Variants in ABCG1 observed in about 807,000 individuals in gnomAD.
The protein encoded by ABCG1 is ATP binding cassette subfamily G member 1, also known as ATP-binding cassette sub-family G member 1.
ABCG1 carries 29 observed loss-of-function variants against 69.2 expected under a neutral mutation model. The ratio of observed to expected loss-of-function variants is 0.42; its 90% CI spans 0.31 to 0.57. ABCG1 has a LOEUF of 0.57. Ranked by LOEUF, ABCG1 falls within the 20% of genes least tolerant of loss-of-function variation. ABCG1 has a pLI of 0.15. For synonymous variants in ABCG1, 370 were observed against 374.8 expected, an observed-to-expected ratio of 0.99 and a Z score of 0.15; for missense variants, 718 against 898.1, an observed-to-expected ratio of 0.80 and a Z score of 2.56.
rs888086646 is a variant in ABCG1 at position 42,244,735 on chromosome 21, C to T, written c.286+18821C>T. On this transcript the variant is annotated intron_variant, in intron 2 of 14. Transcript: ENST00000398449. ...CCTTCTTGCCACTGACACTCAAGGA[C>T]AGGGCTGTTTACATGACATCCATTT... is the stretch of plus-strand genomic sequence containing the variant. 2.6e-5 allele frequency among the ~76,000 whole-genome samples: 4 copies of T among 152,214 alleles called. No homozygotes were observed. In the South Asian group the frequency reaches 8.3e-4, roughly 32 times the overall value.
chr21:42,255,317 A>C (rs924928423), intron 2 of ABCG1, among the ~76,000 whole-genome samples: 1 of 152,162 alleles, frequency 6.6e-6, no homozygotes, highest in Non-Finnish European at 1.5e-5. Flanking sequence ...TAGTGTGTAC[A>C]TGGTGTGTCT....
At chr21:42,268,388 T>TGTGTGTGCGC (rs57264459) in intron 2 of ABCG1, among the ~76,000 whole-genome samples, 91 of 110,174 alleles carry the variant, frequency 8.3e-4, no homozygotes, top group African/African-American at 2.6e-3. Context: ...TGTGTGTGTG[T>TGTGTGTGCGC]GCGCGCGCGC....
chr21:42,264,620 A>G (rs964938096), intron 2 of ABCG1, among the ~76,000 whole-genome samples: 5 of 152,144 alleles, frequency 3.3e-5, no homozygotes. Context: ...TGAGGTTCCT[A>G]CTTCTCAGAG....
At chr21:42,212,056 C>T (rs2067594724), upstream of ABCG1, among the ~76,000 whole-genome samples, 1 of 152,190 alleles carries the variant, frequency 6.6e-6, no homozygotes, top group Non-Finnish European at 1.5e-5. Context: ...GCACAGAAGG[C>T]ACACCTATGA....
At chr21:42,251,585 A>G (rs1195113568) in intron 2 of ABCG1, among the ~76,000 whole-genome samples, 2 of 151,866 alleles carry the variant, frequency 1.3e-5, no homozygotes, top group Non-Finnish European at 2.9e-5. Context: ...GCAGCGGCCA[A>G]CGCATGTTTG....
At chr21:42,216,234 G>C, upstream of ABCG1, 1 of 418,890 alleles carries the variant, frequency 2.4e-6, no homozygotes, top group Non-Finnish European at 4.8e-6. Flanking sequence ...CCAGTCTCAG[G>C]TATGTCTTTA....
At chr21:42,267,742 G>A (rs1006997039) in intron 2 of ABCG1, among the ~76,000 whole-genome samples, 65 of 150,382 alleles carry the variant, frequency 4.3e-4, no homozygotes, top group African/African-American at 1.6e-3. Context: ...GTTCTGTCTC[G>A]GTGTGGTCTG....
chr21:42,241,753 G>A (rs2068054740), intron 2 of ABCG1, among the ~76,000 whole-genome samples: 1 of 151,898 alleles, frequency 6.6e-6, no homozygotes, highest in African/African-American at 2.4e-5. Flanking sequence ...TTGTGGGGCT[G>A]AGGTGGGAGG....
At chr21:42,256,890 G>A (rs545844949) in intron 2 of ABCG1, among the ~76,000 whole-genome samples, 6 of 152,342 alleles carry the variant, frequency 3.9e-5, no homozygotes, top group Admixed American at 3.3e-4. Context: ...TGTCACTCCC[G>A]GAAATGAAGA....
chr21:42,201,035 A>G (rs1310207432), intron 1 of ABCG1, among the ~76,000 whole-genome samples: 11 of 151,924 alleles, frequency 7.2e-5, no homozygotes, highest in Non-Finnish European at 1.3e-4. Context: ...CCAACCACCT[A>G]GGTGTTAAGC....
intron 13 of ABCG1, among the ~76,000 whole-genome samples, chr21:42,292,180 G>A (rs891892073): frequency 1.3e-5 from 2 of 152,076 alleles, no homozygotes; most frequent in African/African-American, 2.4e-5. Flanking sequence ...AGGACGCTCG[G>A]CCTCAGCCTG....
At position 42,288,771 on chromosome 21, in the gene ABCG1, A is replaced by G. The variant is rs1036976885; in HGVS notation, c.1224+459A>G. 2.0e-5 allele frequency among the ~76,000 whole-genome samples: 3 copies of G among 151,994 alleles called. No individual in the cohort carries two copies. The highest frequency in any genetic ancestry group is 2.1e-4 in the South Asian group (1 of 4,812). ...AGGGAGAAAGGAAGGGAAGGGAAGG[A>G]AAGGAAAGGAAAAAAGAAAGAAAGA... is the stretch of plus-strand genomic sequence containing the variant. On this transcript the variant is annotated intron_variant, in intron 10 of 14. Transcript: ENST00000398449. This position sits in a 1 kb window ranked among gnomAD's most constrained non-coding sequence, Gnocchi z 4.8.
At position 42,281,455 on chromosome 21, in the gene ABCG1, C is replaced by T. The variant is rs540979461; in HGVS notation, c.589-819C>T. ...CTGCTGACCTTCGTGTTCCCTGAGT[C>T]GATACAGGATCAATAATCCGGAGCA... On this transcript the variant is annotated intron_variant, in intron 5 of 14. Coordinates refer to ENST00000398449, the MANE Select transcript of ABCG1 (RefSeq NM_016818.3). Among the ~76,000 whole-genome samples, 113 of 152,298 alleles carry T rather than the reference C, an allele frequency of 7.4e-4. 1 individual carries two copies. Among genetic ancestry groups the T allele is most frequent in the African/African-American group, 2.6e-3 (109 of 41,544 alleles).
At position 42,209,468 on chromosome 21, in the gene ABCG1, T is replaced by C. The variant is rs945569012; in HGVS notation, c.48+7745T>C. Among the ~76,000 whole-genome samples the C allele has an allele frequency of 2.0e-5, 3 of 152,318 alleles. No individual in the cohort carries two copies. In the South Asian group the frequency reaches 6.2e-4, roughly 32 times the overall value. On this transcript the variant is annotated intron_variant, in intron 2 of 15. Transcript: ENST00000398457. ...GAATGATGTTAGAGCAAAGCAATAT[T>C]AGTGAGATGCTGGAATTTATCATCT... is the stretch of plus-strand genomic sequence containing the variant.
At chr21:42,243,880 G>A (rs1175875161) in intron 2 of ABCG1, among the ~76,000 whole-genome samples, 3 of 137,086 alleles carry the variant, frequency 2.2e-5, no homozygotes, top group Non-Finnish European at 3.0e-5. Context: ...GTGCAGTGGT[G>A]CGATCTCGGC....
At chr21:42,284,139 TCCCCCCCGCCCAGATGAGTGGGG>T (rs2068884980) in intron 6 of ABCG1, among the ~76,000 whole-genome samples, 1 of 422 alleles carries the variant, frequency 2.4e-3, no homozygotes, top group Non-Finnish European at 4.5e-3. Context: ...AGTTGCGAAG[TCCCCCCCGCCCAGATGAGTGGGG>T]ACCCCCCCAC....
intron 1 of ABCG1, among the ~76,000 whole-genome samples, chr21:42,200,495 G>A (rs766996683): frequency 6.6e-6 from 1 of 152,230 alleles, no homozygotes. Flanking sequence ...AAACTTTTTG[G>A]CACCAAGGAC....
In ABCG1 at chr21:42,282,463, C is replaced by A. The variant is rs753764532; in HGVS notation, c.734+44C>A. 1.2e-5 allele frequency: 19 copies of A among 1,578,370 alleles called. 1 individual carries two copies. The highest frequency in any genetic ancestry group is 7.0e-5 in the Admixed American group (4 of 57,072). Reference sequence around the variant, plus strand: ...AGCTGGTGTCCAGGGGCAGGAAGAACCCCCTGTATTCAGCGGTTCTTCCAG... The same window carrying A: ...AGCTGGTGTCCAGGGGCAGGAAGAAACCCCTGTATTCAGCGGTTCTTCCAG... On this transcript the variant is annotated intron_variant, in intron 6 of 14. Transcript: ENST00000398449.
At chr21:42,286,951 T>TG (rs1319969972) in intron 8 of ABCG1, among the ~76,000 whole-genome samples, 4 of 152,078 alleles carry the variant, frequency 2.6e-5, no homozygotes, top group Non-Finnish European at 4.4e-5. Flanking sequence ...CCCTTGAGGA[T>TG]GACTTTCCGG....
Sources: gnomAD v4.1 joint callset for allele counts (sites outside exome capture counted in the v4.1 genomes callset) on GRCh38, gnomAD v4.1.1 for gene constraint, Gnocchi (gnomAD v3.1) non-coding constraint, MANE v1.5 for transcripts, NCBI Gene and HGNC (gene_info 2026-07-23, HGNC 2026-07-21) for gene names.